SYTL5: variants seen among roughly 807,000 people sequenced by gnomAD.
SYTL5 encodes synaptotagmin-like protein 5.
Under a neutral mutation model 55.9 loss-of-function variants are expected in SYTL5, and 34 were observed. The ratio of observed to expected loss-of-function variants is 0.61; its 90% confidence interval spans 0.46 to 0.81. SYTL5 has a LOEUF of 0.81. SYTL5 is among the 30% of genes least tolerant of loss of function. The pLI is 0.00. For missense variants in SYTL5, 637 were observed against 546.7 expected (o/e 1.17, Z -1.65); for synonymous variants, 221 against 188.7 (o/e 1.17, Z -1.40).
At chrX:37,989,444 T>C in the SYTL5 span, among the ~76,000 whole-genome samples, 2 of 111,764 alleles carry the variant, frequency 1.8e-5, no homozygotes, top group Non-Finnish European at 3.8e-5. Context: ...GCTGTAAACA[T>C]ATGCTACCAT....
chrX:37,968,516 C>CTTAATAT, the SYTL5 span, among the ~76,000 whole-genome samples: 1 of 111,477 alleles, frequency 9.0e-6, no homozygotes, highest in South Asian at 3.8e-4. Flanking sequence ...GAGGGGCACC[C>CTTAATAT]ATGTAAAAAG....
At chrX:37,894,882 A>G in the SYTL5 span, among the ~76,000 whole-genome samples, 1 of 110,965 alleles carries the variant, frequency 9.0e-6, no homozygotes, top group African/African-American at 3.3e-5. Context: ...TTGTGTCTGC[A>G]TCACTACTCC....
At chrX:38,004,771 G>T (rs1391576081), upstream of SYTL5, among the ~76,000 whole-genome samples, 1 of 111,242 alleles carries the variant, frequency 9.0e-6, no homozygotes, top group African/African-American at 3.3e-5. Context: ...GTTACCAGAG[G>T]CTGGGAAGGG....
At chrX:38,072,797 T>C (rs1201837593) in intron 4 of SYTL5, among the ~76,000 whole-genome samples, 3 of 112,152 alleles carry the variant, frequency 2.7e-5, no homozygotes, top group Non-Finnish European at 5.6e-5. Flanking sequence ...TGCCTTTTGG[T>C]GCATTCAAAT....
At chrX:38,082,585 G>T (rs1328088110) in intron 6 of SYTL5, among the ~76,000 whole-genome samples, 1 of 112,424 alleles carries the variant, frequency 8.9e-6, no homozygotes, top group Non-Finnish European at 1.9e-5. Flanking sequence ...CAGGAAGGCT[G>T]GGATAACTAA....
chrX:38,067,482 A>G (rs1332384837), intron 3 of SYTL5, among the ~76,000 whole-genome samples: 1 of 110,570 alleles, frequency 9.0e-6, no homozygotes, highest in Non-Finnish European at 1.9e-5. Flanking sequence ...CTTTTTGTGT[A>G]CTCTTTGCCT....
At chrX:38,067,130 A>G (rs1468258159) in intron 3 of SYTL5, among the ~76,000 whole-genome samples, 2 of 111,845 alleles carry the variant, frequency 1.8e-5, no homozygotes, top group Non-Finnish European at 3.8e-5. Flanking sequence ...CAAATGACTC[A>G]AGTGCATTAT....
rs774750803 is a variant in SYTL5, at chrX:38,076,635, G to A, written c.623G>A (p.Arg208Gln). 1.4e-5 allele frequency: 17 copies of A among 1,207,651 alleles called. No individual in the cohort carries two copies. The highest frequency in any genetic ancestry group is 3.0e-5 in the East Asian group (1 of 33,726). The part of the protein sequence containing the change: ...EIITPKTDTG[R>Q]SYSLDLDGQH... ...ATAACTCCCAAAACTGACACTGGGC[G>A]GAGCTATAGCTTGGACTTAGACGGT... Residue 208 changes from arginine (R) to glutamine (Q), a missense_variant, in exon 6 of 17, where the codon CGG (arginine) becomes CAG (glutamine). Transcript: ENST00000297875.
intron 1 of SYTL5, among the ~76,000 whole-genome samples, chrX:38,019,532 A>G (rs1369985629): frequency 8.9e-6 from 1 of 112,252 alleles, no homozygotes; most frequent in Non-Finnish European, 1.9e-5. Context: ...TCCACTAGAA[A>G]ATAATAGAAA....
chrX:38,048,865 G>A (rs1266919807), intron 2 of SYTL5, among the ~76,000 whole-genome samples: 1 of 112,219 alleles, frequency 8.9e-6, no homozygotes. Context: ...ATGTGGCTAA[G>A]TGTTGTGAAA....
chrX:37,910,117 T>A, the SYTL5 span, among the ~76,000 whole-genome samples: 102 of 111,812 alleles, frequency 9.1e-4, no homozygotes, highest in African/African-American at 3.3e-3. Context: ...ACTATATTAG[T>A]TTGCTAGGGC....
At chrX:38,096,020 T>C in intron 8 of SYTL5, 114 bp from the exon 9 acceptor site, 1 of 404,345 alleles carries the variant, frequency 2.5e-6, no homozygotes, top group Non-Finnish European at 4.3e-6. Flanking sequence ...TGGCACTATT[T>C]ATGATCTGTG....
chrX:37,923,106 A>T, the SYTL5 span, among the ~76,000 whole-genome samples: 2 of 112,838 alleles, frequency 1.8e-5, no homozygotes, highest in African/African-American at 6.4e-5. Flanking sequence ...GCAGGGAGGC[A>T]CACTGTCTTT....
intron 2 of SYTL5, among the ~76,000 whole-genome samples, chrX:38,049,835 A>G (rs1480575561): frequency 3.6e-5 from 4 of 112,430 alleles, no homozygotes; most frequent in Non-Finnish European, 5.6e-5. Context: ...AACACTTACA[A>G]ACATTGTCTT....
chrX:38,114,450 C>T (rs1028390262), intron 13 of SYTL5, among the ~76,000 whole-genome samples: 2 of 111,777 alleles, frequency 1.8e-5, no homozygotes, highest in African/African-American at 6.5e-5. Flanking sequence ...ACCCTCTTGC[C>T]CCAGAAATTA....
intron 2 of SYTL5, among the ~76,000 whole-genome samples, chrX:38,037,873 T>C (rs1469724863): frequency 9.0e-6 from 1 of 111,049 alleles, no homozygotes; most frequent in African/African-American, 3.3e-5. Context: ...CATATGATTA[T>C]GGAGGCTGAG....
the SYTL5 span, among the ~76,000 whole-genome samples, chrX:38,001,180 C>T: frequency 1.2e-3 from 132 of 111,092 alleles, no homozygotes; most frequent in Middle Eastern, 9.1e-3. Context: ...CCCATATCAA[C>T]ATGAGATATT....
At chrX:38,054,130 A>G (rs1280212386) in intron 2 of SYTL5, 83 bp from the exon 3 acceptor site, 1 of 714,639 alleles carries the variant, frequency 1.4e-6, no homozygotes, top group Non-Finnish European at 2.1e-6. Flanking sequence ...TATTCTATCT[A>G]TTTTAGACAT....
intron 12 of SYTL5, among the ~76,000 whole-genome samples, chrX:38,109,744 G>A (rs1336414619): frequency 1.8e-5 from 2 of 108,956 alleles, no homozygotes; most frequent in African/African-American, 6.7e-5. Context: ...GGGTGTGTGA[G>A]CATGTGGCCC....
Sources: gnomAD v4.1 joint callset for allele counts (sites outside exome capture counted in the v4.1 genomes callset) on GRCh38, gnomAD v4.1.1 for gene constraint, MANE v1.5 for transcripts, NCBI Gene and HGNC (gene_info 2026-07-23, HGNC 2026-07-21) for gene names.